Variants in KIRREL2 observed in about 807,000 individuals in gnomAD.
KIRREL2 encodes the protein kirre like nephrin family adhesion molecule 2, also known as kin of IRRE-like protein 2.
Under a neutral mutation model 73.4 loss-of-function variants are expected in KIRREL2, and 56 were observed. That is an observed-to-expected ratio of 0.76 (90% CI 0.62 to 0.95). KIRREL2 has a LOEUF of 0.95. Among genes scored for constraint, KIRREL2 ranks in the 40% least tolerant of loss-of-function variants. The pLI is 0.00. For missense variants in KIRREL2, 896 were observed against 935.0 expected (o/e 0.96, Z 0.54); for synonymous variants, 407 against 404.0 (o/e 1.01, Z -0.09).
chr19:35,858,115 C>T (rs199992570), intron 2 of KIRREL2, among the ~76,000 whole-genome samples: 3 of 152,222 alleles, frequency 2.0e-5, no homozygotes, highest in East Asian at 1.9e-4. Context: ...CAGAAGACCC[C>T]GTGTTCCTTT....
In KIRREL2 at chr19:35,863,059, C is replaced by T. The variant is rs779244810; in HGVS notation, c.1725+23C>T. 1.1e-5 allele frequency: 14 copies of T among 1,312,126 alleles called. No individual in the cohort carries two copies. In the East Asian group the frequency reaches 3.1e-4, roughly 30 times the overall value. The allele number at this position is 1,312,126 out of a possible 1,614,324, so 81.3% of individuals were successfully genotyped here. A position where few individuals can be genotyped will look rare whatever the true frequency, so the allele number is the denominator to read the frequency against. On this transcript the variant is annotated intron_variant, in intron 13 of 14. Coordinates refer to ENST00000360202, the MANE Select transcript of KIRREL2 (RefSeq NM_199180.4). ...CGGGTAGGATGCCAGGGTCCCCAGA[C>T]CTGACTGTGCCTCCAGACCTAAATA...
At chr19:35,856,830 T>G, upstream of KIRREL2, 1 of 473,134 alleles carries the variant, frequency 2.1e-6, no homozygotes, top group African/African-American at 2.0e-5. This position sits in a 1 kb window ranked among gnomAD's most constrained non-coding sequence, Gnocchi z 5.9. Flanking sequence ...GCCGCGGGAG[T>G]TTCTCAACGG....
At chr19:35,856,560 A>G (rs1296647871), upstream of KIRREL2, 3 of 159,132 alleles carry the variant, frequency 1.9e-5, no homozygotes, top group South Asian at 3.5e-4. This position sits in a 1 kb window ranked among gnomAD's most constrained non-coding sequence, Gnocchi z 5.9. Flanking sequence ...GCGAGGCCCC[A>G]GGAGCTCCCA....
chr19:35,859,188 C>A (rs1024077391), intron 4 of KIRREL2, among the ~76,000 whole-genome samples: 1 of 152,212 alleles, frequency 6.6e-6, no homozygotes, highest in Non-Finnish European at 1.5e-5. Flanking sequence ...CCTATAAATG[C>A]CCAGAAGAGT....
upstream of KIRREL2, chr19:35,851,912 C>T: frequency 7.6e-7 from 1 of 1,312,276 alleles, no homozygotes; most frequent in Non-Finnish European, 1.1e-6. Flanking sequence ...CTCTGGGTCC[C>T]TCTCTGTGTG....
At position 35,862,983 on chromosome 19, in the gene KIRREL2, G is replaced by A. The variant is rs1469814017; in HGVS notation, c.1672G>A (p.Gly558Ser). The A allele has an allele frequency of 1.4e-5, 22 of 1,593,560 alleles. No homozygotes were observed. The highest frequency in any genetic ancestry group is 1.5e-5 in the Non-Finnish European group (18 of 1,170,512). The change falls in exon 13 of 15, where the codon GGC becomes AGC. Residue 558 changes from glycine to serine, a missense_variant. Physicochemically the swap from Gly to Ser is moderately conservative, Grantham distance 56. Transcript: ENST00000360202. ...NLMRIPGSSD[G>S]SSSRGPEEEE... is the part of the protein sequence containing the mutation. ...GATGCGAATCCCTGGCAGCAGCGACGGCTCCAGTTCACGAGGTCCTGAAGA... is the reference window on the plus strand; with the variant it reads ...GATGCGAATCCCTGGCAGCAGCGACAGCTCCAGTTCACGAGGTCCTGAAGA...
intron 11 of KIRREL2, 53 bp downstream of exon 11, chr19:35,862,077 G>C: frequency 6.8e-7 from 1 of 1,473,946 alleles, no homozygotes. Context: ...CCCCACAAAC[G>C]CAGGGATCCC....
chr19:35,852,864 C>A (rs144894017), upstream of KIRREL2, among the ~76,000 whole-genome samples: 652 of 152,154 alleles, frequency 4.3e-3, 6 homozygotes, highest in African/African-American at 0.014. Context: ...CTGCAACTTC[C>A]ACCTCCCATG....
Position 35,861,026 on chromosome 19 carries a change from G to C in KIRREL2, c.1046G>C (p.Gly349Ala). The C allele has an allele frequency of 1.2e-6, 2 of 1,611,760 alleles. No individual in the cohort carries two copies. Among genetic ancestry groups the C allele is most frequent in the Non-Finnish European group, 1.7e-6 (2 of 1,179,322 alleles). ...PLPRVTWTRR[G>A]GAQVLGSGAT... ...CCACGGGTAACCTGGACCCGCCGCG[G>C]TGGCGCGCAGGTACAGCCCTAAATC... The change falls in exon 8 of 15, where the codon GGT (glycine) becomes GCT (alanine). Residue 349 changes from glycine to alanine, a missense_variant. Physicochemically the swap from Gly to Ala is moderately conservative, Grantham distance 60. Coordinates refer to ENST00000360202, the MANE Select transcript of KIRREL2 (RefSeq NM_199180.4).
At chr19:35,862,829 C>G in intron 12 of KIRREL2, 98 bp from the exon 13 acceptor site, 1 of 772,284 alleles carries the variant, frequency 1.3e-6, no homozygotes, top group Non-Finnish European at 2.2e-6. Flanking sequence ...CCTACCCAAT[C>G]AGCCTCATTG....
upstream of KIRREL2, chr19:35,856,641 C>T: frequency 3.7e-6 from 1 of 269,082 alleles, no homozygotes; most frequent in Non-Finnish European, 7.3e-6. This position sits in a 1 kb window ranked among gnomAD's most constrained non-coding sequence, Gnocchi z 5.9. Context: ...CCACTCTCTC[C>T]CTTCCCTCCT....
chr19:35,859,905 C>T (rs1035156442), intron 5 of KIRREL2, among the ~76,000 whole-genome samples: 4 of 152,148 alleles, frequency 2.6e-5, no homozygotes, highest in East Asian at 3.8e-4. Context: ...ATTTGCCGGG[C>T]GTGGTAGCAC....
chr19:35,859,412 C>T, intron 4 of KIRREL2, 69 bp from the exon 5 acceptor site: 1 of 1,445,652 alleles, frequency 6.9e-7, no homozygotes, highest in Non-Finnish European at 9.5e-7. Context: ...CCAATGTGGC[C>T]CAGGAAAGCC....
rs200222317 is a variant in KIRREL2, at chr19:35,861,557, C to T, written c.1206C>T (p.Thr402=). Residue 402 remains threonine (T), a synonymous_variant, in exon 10 of 15, where the codon ACC becomes ACT. Coordinates refer to ENST00000360202, the MANE Select transcript of KIRREL2 (RefSeq NM_199180.4). ...CCATCCCAGCTCCCCCAGTAGTGACCGCCCTGCACTCTGCGCCTGCCTTCC... is the reference window on the plus strand; with the variant it reads ...CCATCCCAGCTCCCCCAGTAGTGACTGCCCTGCACTCTGCGCCTGCCTTCC... ...RLTVNAPPVV[T]ALHSAPAFLR... 32 of 1,613,750 alleles carry T rather than the reference C, an allele frequency of 2.0e-5. No homozygotes were observed. The highest frequency in any genetic ancestry group is 2.5e-5 in the Non-Finnish European group (29 of 1,179,910).
At chr19:35,858,975 G>A (rs150622244) in intron 4 of KIRREL2, 111 bp downstream of exon 4, 5 of 1,194,098 alleles carry the variant, frequency 4.2e-6, no homozygotes, top group Non-Finnish European at 6.0e-6. Context: ...AGAGGTTCAT[G>A]GGTTTGGACT....
chr19:35,861,297 ATAGGGAGCGGACAGAGGGGGCAAGGGC>A, intron 9 of KIRREL2, 43 bp downstream of exon 9: 1 of 1,510,914 alleles, frequency 6.6e-7, no homozygotes, highest in Non-Finnish European at 8.8e-7. Flanking sequence ...CCGTCCTGGG[ATAGGGAGCGGACAGAGGGGGCAAGGGC>A]TAATGCAGTG....
rs1599858208 is a variant in KIRREL2 at position 35,858,500 on chromosome 19, G to T, written c.304G>T (p.Glu102Ter). The T allele has an allele frequency of 6.2e-7, 1 of 1,614,202 alleles. No homozygotes were observed. The highest frequency in any genetic ancestry group is 2.2e-5 in the East Asian group (1 of 44,886). The part of the protein sequence containing the change: ...PVELEDEASY[E>*]CQATQAGLRS... ...GGAGCTAGAGGATGAAGCATCATAT[G>T]AATGTCAGGCTACACAAGCAGGCCT... is the stretch of plus-strand genomic sequence containing the variant. Residue 102 changes from glutamate to a stop codon, truncating the protein, a stop_gained, in exon 3 of 15, where the codon GAA becomes TAA. Coordinates refer to ENST00000360202, the MANE Select transcript of KIRREL2 (RefSeq NM_199180.4). LOFTEE classifies it high-confidence loss of function.
chr19:35,865,601 C>T (rs147587912), intron 14 of KIRREL2, among the ~76,000 whole-genome samples: 1 of 152,316 alleles, frequency 6.6e-6, no homozygotes, highest in African/African-American at 2.4e-5. Context: ...TGCCTGTGTT[C>T]CACCCATCAC....
Position 35,856,927 on chromosome 19 carries a change from G to C in KIRREL2, c.-193G>C. ...GGGTCTCCCAGAGACCCAGGCCGCG[G>C]AACTGGCAGGCGTTTCAGAGCGTCA... On this transcript the variant is annotated 5_prime_UTR_variant, in exon 1 of 15. Transcript: ENST00000360202. The surrounding 1 kb of genome is among the most constrained non-coding windows in gnomAD (Gnocchi z 5.9). 1 of 687,706 alleles carries C rather than the reference G, an allele frequency of 1.5e-6. No individual in the cohort carries two copies. The allele number at this position is 687,706 out of a possible 1,614,324, so 42.6% of individuals were successfully genotyped here.
Sources: gnomAD v4.1 joint callset for allele counts (sites outside exome capture counted in the v4.1 genomes callset) on GRCh38, gnomAD v4.1.1 for gene constraint, Gnocchi (gnomAD v3.1) non-coding constraint, MANE v1.5 for transcripts, NCBI Gene and HGNC (gene_info 2026-07-23, HGNC 2026-07-21) for gene names.